Variants in SOX5 observed in about 807,000 individuals in gnomAD.
The protein encoded by SOX5 is transcription factor SOX-5.
A neutral mutation model predicts 92.0 loss-of-function variants in SOX5; 9 were observed. The ratio of observed to expected loss-of-function variants is 0.10; its 90% CI spans 0.06 to 0.17. SOX5 has a LOEUF of 0.17. Among genes scored for constraint, SOX5 ranks in the 10% least tolerant of loss-of-function variants. The pLI is 1.00. For missense variants in SOX5, 642 were observed against 944.5 expected, an observed-to-expected ratio of 0.68 and a Z score of 4.20; for synonymous variants, 344 against 336.3, an observed-to-expected ratio of 1.02 and a Z score of -0.25.
intron 1 of SOX5, among the ~76,000 whole-genome samples, chr12:24,547,340 C>T (rs933468371): frequency 2.8e-4 from 42 of 151,302 alleles, no homozygotes; most frequent in African/African-American, 8.7e-4. Context: ...TACAGGCGCC[C>T]GCCACCGCGC....
intron 2 of SOX5, among the ~76,000 whole-genome samples, chr12:24,360,866 T>G (rs1408471939): frequency 6.6e-6 from 1 of 152,220 alleles, no homozygotes; most frequent in East Asian, 1.9e-4. Flanking sequence ...TTTATACATT[T>G]ATCAAAACCA....
At chr12:24,321,053 C>T (rs1365929065) in intron 2 of SOX5, among the ~76,000 whole-genome samples, 1 of 152,088 alleles carries the variant, frequency 6.6e-6, no homozygotes, top group Non-Finnish European at 1.5e-5. Context: ...TGTGCTAAGG[C>T]ATCCACATTT....
intron 1 of SOX5, among the ~76,000 whole-genome samples, chr12:24,506,782 G>GTTTTTTT (rs1386116375): frequency 0.011 from 902 of 80,040 alleles, 22 homozygotes; most frequent in Admixed American, 0.017. Context: ...TATCCAAATG[G>GTTTTTTT]TCTTTTTTTT....
At chr12:23,919,611 G>T (rs1397858904) in intron 1 of SOX5, among the ~76,000 whole-genome samples, 1 of 152,126 alleles carries the variant, frequency 6.6e-6, no homozygotes, top group African/African-American at 2.4e-5. Flanking sequence ...ATGCCAGTGA[G>T]TACTATTCCT....
intron 4 of SOX5, among the ~76,000 whole-genome samples, chr12:24,152,847 GAAAAA>G (rs56797704): frequency 1.3e-5 from 2 of 150,394 alleles, no homozygotes; most frequent in Non-Finnish European, 3.0e-5. Flanking sequence ...ACTGGCACAG[GAAAAA>G]AAAAAAGAGA....
chr12:23,939,350 T>C (rs1052325703), intron 1 of SOX5, among the ~76,000 whole-genome samples: 2 of 151,098 alleles, frequency 1.3e-5, no homozygotes, highest in Non-Finnish European at 3.0e-5. Context: ...AATGTAGTGC[T>C]GGTTCAGTGA....
chr12:23,644,454 A>G (rs1566654671), intron 7 of SOX5, among the ~76,000 whole-genome samples: 1 of 152,330 alleles, frequency 6.6e-6, no homozygotes, highest in East Asian at 1.9e-4. Flanking sequence ...AACATGTGGC[A>G]TCTGAATCAG....
At chr12:24,517,455 C>T (rs571101907) in intron 1 of SOX5, among the ~76,000 whole-genome samples, 70 of 151,928 alleles carry the variant, frequency 4.6e-4, no homozygotes, top group African/African-American at 1.5e-3. Context: ...CAGGAAAGGA[C>T]GAAGAAAGCT....
chr12:24,159,175 C>T (rs1289219776), intron 4 of SOX5, among the ~76,000 whole-genome samples: 2 of 148,584 alleles, frequency 1.3e-5, no homozygotes, highest in African/African-American at 4.9e-5. Flanking sequence ...CATTCACTCA[C>T]TCATCTATCC....
chr12:23,681,437 T>A (rs991125867), intron 6 of SOX5, among the ~76,000 whole-genome samples: 7 of 151,824 alleles, frequency 4.6e-5, no homozygotes, highest in Non-Finnish European at 1.0e-4. Context: ...AGTAAGCTCA[T>A]CAGTTAAAAA....
In SOX5 at chr12:24,349,239, CCT is replaced by C. The variant is rs151092443; in HGVS notation, c.-174+19322_-174+19323del. Among the ~76,000 whole-genome samples, 331 of 152,308 alleles carry C rather than the reference CCT, an allele frequency of 2.2e-3. 1 individual carries two copies. Among genetic ancestry groups the C allele is most frequent in the Admixed American group, 5.6e-3 (86 of 15,294 alleles). On this transcript the variant is annotated intron_variant, in intron 2 of 4. Coordinates refer to the SOX5 transcript ENST00000446891. The stretch of plus-strand genomic sequence containing the variant: ...TAACTCATCCCCTCTCCCCAGTTCC[CCT>C]CTGTCTGTACTTCCTTTAAAAAACT...
chr12:24,148,386 T>C (rs1951286256), intron 4 of SOX5, among the ~76,000 whole-genome samples: 1 of 147,040 alleles, frequency 6.8e-6, no homozygotes, highest in African/African-American at 2.5e-5. Context: ...TCCCAGCTAC[T>C]CAGGAAGCTG....
chr12:23,659,821 G>T (rs1593037160), intron 7 of SOX5, among the ~76,000 whole-genome samples: 1 of 152,070 alleles, frequency 6.6e-6, no homozygotes, highest in East Asian at 1.9e-4. Context: ...ACAAAAATTA[G>T]CTGGGCGTGG....
intron 4 of SOX5, among the ~76,000 whole-genome samples, chr12:24,168,341 G>T (rs1030785332): frequency 4.0e-5 from 6 of 151,892 alleles, no homozygotes; most frequent in Non-Finnish European, 7.4e-5. Context: ...AAACCCATTT[G>T]GTGCAATTCT....
intron 3 of SOX5, among the ~76,000 whole-genome samples, chr12:23,845,537 A>G (rs1383954150): frequency 6.6e-6 from 1 of 152,216 alleles, no homozygotes; most frequent in Admixed American, 6.5e-5. Context: ...TTGTAAGTAT[A>G]TAATAGTCCT....
At chr12:24,229,716 G>T (rs1189961505) in intron 3 of SOX5, among the ~76,000 whole-genome samples, 1 of 152,160 alleles carries the variant, frequency 6.6e-6, no homozygotes, top group Admixed American at 6.5e-5. Context: ...ACATGTCCCT[G>T]CCAGCTATTA....
At chr12:23,720,138 C>G (rs1004121432) in intron 6 of SOX5, among the ~76,000 whole-genome samples, 1 of 152,102 alleles carries the variant, frequency 6.6e-6, no homozygotes, top group Non-Finnish European at 1.5e-5. Context: ...TTCCTGTTCT[C>G]TTATGTGAAT....
At chr12:23,643,708 TTTTCA>T (rs1001543762) in intron 7 of SOX5, among the ~76,000 whole-genome samples, 19 of 152,278 alleles carry the variant, frequency 1.2e-4, no homozygotes, top group African/African-American at 4.6e-4. Context: ...GTGATAATTT[TTTTCA>T]TTTAAGTGCT....
At chr12:23,755,942 A>G (rs1044771268) in intron 3 of SOX5, among the ~76,000 whole-genome samples, 1 of 151,830 alleles carries the variant, frequency 6.6e-6, no homozygotes, top group African/African-American at 2.4e-5. Context: ...ACAAAGCCAT[A>G]CTGATTCTTT....
Sources: allele counts gnomAD v4.1 joint callset (sites outside exome capture counted in the v4.1 genomes callset), GRCh38; gene constraint gnomAD v4.1.1; transcripts MANE v1.5; gene names NCBI Gene and HGNC (gene_info 2026-07-23, HGNC 2026-07-21).